G3BP2: variants seen among roughly 807,000 people sequenced by gnomAD.
G3BP2 encodes the protein ras GTPase-activating protein-binding protein 2.
In G3BP2, 11 loss-of-function variants were observed where a neutral mutation model predicts 56.7. The observed-to-expected ratio is 0.19, with a 90% confidence interval of 0.12 to 0.32. G3BP2 has a LOEUF of 0.32. Ranked by LOEUF, G3BP2 falls within the 10% of genes least tolerant of loss-of-function variation. The pLI is 1.00. For synonymous variants in G3BP2, 165 were observed against 191.6 expected (o/e 0.86, Z 1.15); for missense variants, 340 against 610.9 (o/e 0.56, Z 4.67).
At chr4:75,652,474 T>C (rs1211593581) in intron 8 of G3BP2, among the ~76,000 whole-genome samples, 4 of 152,078 alleles carry the variant, frequency 2.6e-5, no homozygotes, top group Admixed American at 1.3e-4. Flanking sequence ...ATACAAAAAT[T>C]AGCCAGGCGT....
chr4:75,666,642 AAT>A (rs1733060436), intron 1 of G3BP2, among the ~76,000 whole-genome samples: 1 of 152,238 alleles, frequency 6.6e-6, no homozygotes, highest in Non-Finnish European at 1.5e-5. Context: ...TTGAGTAAGT[AAT>A]ATAAAGTTCG....
At chr4:75,656,851 A>G in intron 5 of G3BP2, 73 bp downstream of exon 5, 1 of 727,332 alleles carries the variant, frequency 1.4e-6, no homozygotes. Flanking sequence ...CGTAGATGTC[A>G]TACTTATAGA....
intron 7 of G3BP2, among the ~76,000 whole-genome samples, 199 bp from the exon 8 acceptor site, chr4:75,654,280 C>T (rs1731917953): frequency 2.0e-5 from 3 of 152,326 alleles, no homozygotes; most frequent in African/African-American, 4.8e-5. Context: ...TTATTTATAA[C>T]TTTTGTCTGA....
In G3BP2 at chr4:75,694,323, C is replaced by T. The variant is rs1447652391; in HGVS notation, c.-25+26554G>A. 2.6e-5 allele frequency among the ~76,000 whole-genome samples: 4 copies of T among 152,230 alleles called. No individual in the cohort carries two copies. In the East Asian group the frequency reaches 7.7e-4, roughly 29 times the overall value. On this transcript the variant is annotated intron_variant, in intron 3 of 3. Coordinates refer to the G3BP2 transcript ENST00000499709. ...CGAGTGTTTAAAAATATTTTAGGGT[C>T]GGACATGGTGGCTCACGCCTGGAAT...
intron 3 of G3BP2, among the ~76,000 whole-genome samples, chr4:75,680,315 G>A (rs1428312763): frequency 6.6e-6 from 1 of 152,132 alleles, no homozygotes; most frequent in Admixed American, 6.5e-5. Flanking sequence ...AGGGCTGAGA[G>A]CAAATCCTCC....
intron 2 of G3BP2, chr4:75,661,675 G>C (rs1258819137): frequency 3.5e-6 from 1 of 289,066 alleles, no homozygotes; most frequent in African/African-American, 2.2e-5. Context: ...AAATACTAGA[G>C]TACATATAAG....
At chr4:75,646,274 A>T (rs980813587) in intron 11 of G3BP2, 64 bp downstream of exon 11, 9 of 750,780 alleles carry the variant, frequency 1.2e-5, no homozygotes, top group East Asian at 8.1e-5. Flanking sequence ...GTTTTTAAAT[A>T]CCCCAAATTA....
upstream of G3BP2, among the ~76,000 whole-genome samples, chr4:75,677,912 C>T (rs530654819): frequency 1.4e-4 from 21 of 152,250 alleles, no homozygotes; most frequent in African/African-American, 5.1e-4. Flanking sequence ...GTCATGAGGG[C>T]CTCACCTTCA....
At chr4:75,724,199 G>A (rs1198946937) in intron 1 of G3BP2, 2 of 152,732 alleles carry the variant, frequency 1.3e-5, no homozygotes, top group Non-Finnish European at 2.9e-5. Flanking sequence ...GCAATTTACC[G>A]GGATCAGAAA....
At chr4:75,646,173 T>A (rs1047071924) in intron 11 of G3BP2, among the ~76,000 whole-genome samples, 165 bp downstream of exon 11, 4 of 152,204 alleles carry the variant, frequency 2.6e-5, no homozygotes, top group African/African-American at 9.6e-5. Flanking sequence ...TAACAAAATT[T>A]AAAATGATCT....
At chr4:75,721,010 T>C (rs551522176) in intron 2 of G3BP2, among the ~76,000 whole-genome samples, 3 of 148,472 alleles carry the variant, frequency 2.0e-5, no homozygotes, top group African/African-American at 7.4e-5. Context: ...CCAGGCATGA[T>C]GGTGTGCACC....
At chr4:75,670,459 AAAGT>A (rs780246576) in intron 1 of G3BP2, 11 of 152,194 alleles carry the variant, frequency 7.2e-5, no homozygotes, top group African/African-American at 1.4e-4. Context: ...ATAAATAATA[AAAGT>A]AAGTTATGGA....
In G3BP2 at chr4:75,648,716, A is replaced by G; in HGVS notation, c.851T>C (p.Val284Ala). 1.2e-6 allele frequency: 2 copies of G among 1,607,118 alleles called. No homozygotes were observed. The highest frequency in any genetic ancestry group is 1.7e-6 in the Non-Finnish European group (2 of 1,174,472). Reference sequence around the variant, plus strand: ...ACGCACACGAGGTGGCTGAGATTGAACTTCTGGTTTAGCTTCGACTCTTGG... The same window carrying G: ...ACGCACACGAGGTGGCTGAGATTGAGCTTCTGGTTTAGCTTCGACTCTTGG... Reference protein sequence around the residue: ...SQPRVEAKPEVQSQPPRVREQ... With the variant: ...SQPRVEAKPEAQSQPPRVREQ... Residue 284 changes from valine (V) to alanine (A), a missense_variant, in exon 9 of 12, where the codon GTT becomes GCT. Physicochemically the swap from Val to Ala is moderately conservative, Grantham distance 64. Coordinates refer to ENST00000359707, the MANE Select transcript of G3BP2 (RefSeq NM_203505.3).
intron 3 of G3BP2, among the ~76,000 whole-genome samples, chr4:75,700,915 T>C (rs1213029769): frequency 1.3e-5 from 2 of 152,040 alleles, no homozygotes; most frequent in African/African-American, 4.8e-5. Flanking sequence ...CTCAGCTCAC[T>C]GCAAACTCCA....
intron 9 of G3BP2, among the ~76,000 whole-genome samples, chr4:75,648,115 C>T (rs1731367626): frequency 2.0e-5 from 3 of 151,940 alleles, no homozygotes; most frequent in African/African-American, 7.3e-5. Context: ...TTTGGGAGGA[C>T]GAGTAGGGCA....
At chr4:75,707,094 G>A (rs1406912594) in intron 3 of G3BP2, among the ~76,000 whole-genome samples, 27 of 150,818 alleles carry the variant, frequency 1.8e-4, no homozygotes, top group African/African-American at 6.6e-4. Context: ...CGGGAGGCTG[G>A]GGCAGGGAGG....
At chr4:75,680,233 G>A (rs1734018902) in intron 3 of G3BP2, among the ~76,000 whole-genome samples, 1 of 152,190 alleles carries the variant, frequency 6.6e-6, no homozygotes, top group Non-Finnish European at 1.5e-5. Context: ...TATAGATTAA[G>A]TTAATATAAA....
intron 8 of G3BP2, among the ~76,000 whole-genome samples, chr4:75,650,885 A>G (rs533599947): frequency 1.3e-5 from 2 of 152,308 alleles, no homozygotes; most frequent in South Asian, 2.1e-4. Flanking sequence ...ACTTACTTTT[A>G]CATCACCCAA....
Position 75,673,363 on chromosome 4 carries a change from C to T in G3BP2, c.-180G>A. ...CGCGAGTTCGTCTGCCTCACAACCA[C>T]CTCTTCCCGGGCGCCAGGCGCTGCG... On this transcript the variant is annotated 5_prime_UTR_variant, in exon 1 of 12. In the 5' UTR this introduces an upstream ATG that the reference lacks. Coordinates refer to ENST00000359707, the MANE Select transcript of G3BP2 (RefSeq NM_203505.3). 8.1e-7 allele frequency: 1 copy of T among 1,231,938 alleles called. No individual in the cohort carries two copies. The highest frequency in any genetic ancestry group is 1.0e-6 in the Non-Finnish European group (1 of 987,856). 76.3% of individuals were successfully genotyped at this position (1,231,938 alleles called of 1,614,324 possible).
Sources: allele counts gnomAD v4.1 joint callset (sites outside exome capture counted in the v4.1 genomes callset), GRCh38; gene constraint gnomAD v4.1.1; transcripts MANE v1.5; gene names NCBI Gene and HGNC (gene_info 2026-07-23, HGNC 2026-07-21).